Variants in TEX36 observed in about 807,000 individuals in gnomAD.
TEX36 encodes testis expressed 36, also known as testis-expressed protein 36.
TEX36 carries 12 observed loss-of-function variants against 13.6 expected under a neutral mutation model. The observed-to-expected ratio is 0.88, with a 90% confidence interval of 0.56 to 1.43. The LOEUF (loss-of-function observed/expected upper bound fraction) is 1.43, where lower values mean the gene tolerates loss of function less well. Ranked by LOEUF, TEX36 falls within the 40% of genes most tolerant of loss-of-function variation. TEX36 has a pLI of 0.00. For missense variants in TEX36, 224 were observed against 228.3 expected (o/e 0.98, Z 0.12); for synonymous variants, 93 against 83.0 (o/e 1.12, Z -0.65).
At chr10:125,584,770 C>CT in intron 3 of TEX36, among the ~76,000 whole-genome samples, 1 of 152,198 alleles carries the variant, frequency 6.6e-6, no homozygotes, top group South Asian at 2.1e-4. Flanking sequence ...GGAGAGACCT[C>CT]ACCAGAAACC....
At chr10:125,631,548 T>C (rs1350109919) in intron 3 of TEX36, among the ~76,000 whole-genome samples, 2 of 152,172 alleles carry the variant, frequency 1.3e-5, no homozygotes, top group Non-Finnish European at 2.9e-5. Context: ...CTCATTCTCC[T>C]TGGGTTTGGA....
chr10:125,581,808 A>G (rs2133522332), intron 3 of TEX36, among the ~76,000 whole-genome samples: 1 of 152,260 alleles, frequency 6.6e-6, no homozygotes, highest in African/African-American at 2.4e-5. Context: ...ACCTTATCTG[A>G]GCTCACACCT....
chr10:125,592,201 C>T (rs965219240), intron 3 of TEX36, among the ~76,000 whole-genome samples: 1 of 152,064 alleles, frequency 6.6e-6, no homozygotes, highest in East Asian at 1.9e-4. Flanking sequence ...TAAACCCTCC[C>T]GCTGGGAGAA....
chr10:125,625,703 C>T (rs1846478685), intron 3 of TEX36, among the ~76,000 whole-genome samples: 1 of 152,244 alleles, frequency 6.6e-6, no homozygotes, highest in Non-Finnish European at 1.5e-5. Flanking sequence ...TGCAACCTCT[C>T]ACAGAGAGCA....
intron 3 of TEX36, among the ~76,000 whole-genome samples, chr10:125,600,841 C>A (rs1455365333): frequency 6.6e-6 from 1 of 152,218 alleles, no homozygotes. Context: ...TGAGAAAGCA[C>A]AAAGATCTGA....
downstream of TEX36, among the ~76,000 whole-genome samples, chr10:125,653,651 T>C (rs189629878): frequency 9.9e-5 from 15 of 151,956 alleles, no homozygotes; most frequent in Non-Finnish European, 1.8e-4. Context: ...ATAATAAAAA[T>C]TTTTAAAAAA....
chr10:125,617,108 C>T (rs1346702290), downstream of TEX36, among the ~76,000 whole-genome samples: 2 of 151,734 alleles, frequency 1.3e-5, no homozygotes, highest in Admixed American at 6.6e-5. Context: ...GGATTGCAAC[C>T]CCTGCCTTTT....
intron 3 of TEX36, among the ~76,000 whole-genome samples, chr10:125,608,556 G>T (rs879744800): frequency 6.6e-6 from 1 of 152,174 alleles, no homozygotes; most frequent in Non-Finnish European, 1.5e-5. Context: ...CTGAGGGCTA[G>T]AGGGACCAGG....
At chr10:125,642,455 T>C (rs1191399891) in intron 3 of TEX36, among the ~76,000 whole-genome samples, 16 of 152,240 alleles carry the variant, frequency 1.1e-4, no homozygotes, top group African/African-American at 4.8e-5. Flanking sequence ...GAAAAAGGAA[T>C]GAAAAATGGA....
chr10:125,628,555 C>T lies in TEX36; in HGVS notation c.265-6910G>A, dbSNP rs550699646. On this transcript the variant is annotated intron_variant, in intron 3 of 3. Coordinates refer to the TEX36 transcript ENST00000526819. ...AGGCTTCCTTTGTCTTGATTTTTCTCTCCCGATGATGATAATTAGATTTCC... is the reference window on the plus strand; with the variant it reads ...AGGCTTCCTTTGTCTTGATTTTTCTTTCCCGATGATGATAATTAGATTTCC... 2.0e-5 allele frequency among the ~76,000 whole-genome samples: 3 copies of T among 152,336 alleles called. 1 individual carries two copies. The highest frequency in any genetic ancestry group is 7.2e-5 in the African/African-American group (3 of 41,574).
intron 1 of TEX36, among the ~76,000 whole-genome samples, chr10:125,672,665 G>A (rs1847252335): frequency 6.6e-6 from 1 of 152,178 alleles, no homozygotes; most frequent in South Asian, 2.1e-4. Flanking sequence ...CCAGAGCTGA[G>A]TTTGAGTCTT....
At position 125,679,148 on chromosome 10, in the gene TEX36, C is replaced by A. The variant is rs1008168645; in HGVS notation, c.51+3791G>T. 4.8e-5 allele frequency among the ~76,000 whole-genome samples: 6 copies of A among 125,240 alleles called. 1 individual carries two copies. Among genetic ancestry groups the A allele is most frequent in the East Asian group, 2.4e-4 (1 of 4,166 alleles). The allele number at this position is 125,240 out of a possible 152,430, so 82.2% of individuals were successfully genotyped here. ...TCTGGCTACAGGAGCACCCCCCCCG[C>A]CCCCGCCAAGCTGACAACTTAGTTC... is the stretch of plus-strand genomic sequence containing the variant. On this transcript the variant is annotated intron_variant, in intron 1 of 3. Coordinates refer to ENST00000368821, the MANE Select transcript of TEX36 (RefSeq NM_001128202.3).
At chr10:125,592,231 A>G (rs1846029159) in intron 3 of TEX36, among the ~76,000 whole-genome samples, 1 of 152,092 alleles carries the variant, frequency 6.6e-6, no homozygotes, top group Admixed American at 6.6e-5. Flanking sequence ...TAAAGACAGC[A>G]GGCATGAGGA....
At chr10:125,608,986 A>AG (rs1408934848) in intron 3 of TEX36, among the ~76,000 whole-genome samples, 4 of 141,926 alleles carry the variant, frequency 2.8e-5, no homozygotes, top group South Asian at 2.2e-4. Flanking sequence ...AAAAAAAAAA[A>AG]AAAAAGAAAG....
chr10:125,670,809 G>A (rs775746103), intron 1 of TEX36, among the ~76,000 whole-genome samples: 5 of 152,060 alleles, frequency 3.3e-5, no homozygotes, highest in Admixed American at 6.5e-5. Flanking sequence ...CATATTACTA[G>A]CCAGTTCTCC....
chr10:125,577,157 A>T (rs1307706821), intron 3 of TEX36, among the ~76,000 whole-genome samples: 1 of 152,166 alleles, frequency 6.6e-6, no homozygotes, highest in Non-Finnish European at 1.5e-5. Context: ...GAAACCAGGA[A>T]GGAAGTTTTC....
chr10:125,658,965 A>T (rs1846988094), intron 3 of TEX36, among the ~76,000 whole-genome samples: 3 of 152,160 alleles, frequency 2.0e-5, no homozygotes. Flanking sequence ...AATTTTAAGG[A>T]ACAACAAAAT....
At chr10:125,625,319 C>G (rs114842959) in intron 3 of TEX36, among the ~76,000 whole-genome samples, 1 of 152,164 alleles carries the variant, frequency 6.6e-6, no homozygotes, top group Non-Finnish European at 1.5e-5. Flanking sequence ...TAGTTTAGCA[C>G]CCCCCACCAA....
chr10:125,643,101 T>A (rs1416953142), intron 3 of TEX36, among the ~76,000 whole-genome samples: 2 of 152,192 alleles, frequency 1.3e-5, no homozygotes, highest in African/African-American at 4.8e-5. Context: ...CCTCAGCACA[T>A]TCTCTGTGCA....
Sources: gnomAD v4.1 joint callset for allele counts (sites outside exome capture counted in the v4.1 genomes callset) on GRCh38, gnomAD v4.1.1 for gene constraint, MANE v1.5 for transcripts, NCBI Gene and HGNC (gene_info 2026-07-23, HGNC 2026-07-21) for gene names.